The following FYB2 variants were observed in gnomAD, a reference collection of about 807,000 sequenced individuals.
FYB2 encodes FYN-binding protein 2.
Under a neutral mutation model 94.1 loss-of-function variants are expected in FYB2, and 103 were observed. That is an observed-to-expected ratio of 1.09 (90% CI 0.93 to 1.29). The LOEUF is 1.29. Among genes scored for constraint, FYB2 ranks in the 50% most tolerant of loss-of-function variants. The pLI is 0.00. For missense variants in FYB2, 896 were observed against 841.5 expected, an observed-to-expected ratio of 1.06 and a Z score of -0.80; for synonymous variants, 293 against 287.9, an observed-to-expected ratio of 1.02 and a Z score of -0.18.
chr1:56,753,591 C>T (rs1360061593), intron 8 of FYB2, among the ~76,000 whole-genome samples: 1 of 152,012 alleles, frequency 6.6e-6, no homozygotes, highest in Admixed American at 6.6e-5. Context: ...TAGTTTGCAC[C>T]CTGGGTTTCT....
upstream of FYB2, among the ~76,000 whole-genome samples, chr1:56,820,553 A>C (rs1325211246): frequency 1.3e-5 from 2 of 152,116 alleles, no homozygotes; most frequent in Non-Finnish European, 2.9e-5. Flanking sequence ...TCCTGTCCTG[A>C]CCAGGGAGAG....
chr1:56,803,372 G>T (rs967194226), intron 1 of FYB2, among the ~76,000 whole-genome samples: 1 of 152,104 alleles, frequency 6.6e-6, no homozygotes, highest in African/African-American at 2.4e-5. Context: ...TGTGGGTAAC[G>T]AGATCATGAA....
chr1:56,735,180 T>A (rs1225523505), intron 15 of FYB2, among the ~76,000 whole-genome samples: 1 of 152,074 alleles, frequency 6.6e-6, no homozygotes, highest in Non-Finnish European at 1.5e-5. Context: ...CAGCACTATA[T>A]GCAATAGCCA....
At position 56,744,283 on chromosome 1, in the gene FYB2, A is replaced by G; in HGVS notation, c.1388-17T>C. ...GATGCCCACCTGAAAGGAAACCAGA[A>G]AACCTGAAAAACATCACATCAGCTG... is the stretch of plus-strand genomic sequence containing the variant. On this transcript the variant is annotated splice_polypyrimidine_tract_variant and intron_variant, in intron 9 of 19. Transcript: ENST00000343433. The G allele has an allele frequency of 6.4e-7, 1 of 1,564,372 alleles. No individual in the cohort carries two copies. The highest frequency in any genetic ancestry group is 1.4e-5 in the African/African-American group (1 of 73,666).
chr1:56,728,055 A>G (rs932980794), intron 15 of FYB2, among the ~76,000 whole-genome samples: 13 of 152,104 alleles, frequency 8.5e-5, no homozygotes, highest in African/African-American at 3.1e-4. Flanking sequence ...TCCTTACCCT[A>G]ACTTGATATT....
intron 1 of FYB2, among the ~76,000 whole-genome samples, chr1:56,795,850 C>A (rs919974028): frequency 6.6e-6 from 1 of 152,164 alleles, no homozygotes; most frequent in Non-Finnish European, 1.5e-5. Context: ...AACCTCCAAA[C>A]CAAGGTCCTG....
chr1:56,792,608 T>C lies in FYB2; in HGVS notation c.205A>G (p.Ser69Gly). The change falls in exon 2 of 20, where the codon AGT (serine) becomes GGT (glycine). Residue 69 changes from serine (S) to glycine (G), a missense_variant. Ser to Gly is a moderately conservative substitution (Grantham distance 56, BLOSUM62 0). Transcript: ENST00000343433. The part of the protein sequence containing the change: ...HKQRTPYCSS[S>G]ESQPLQPQKI... ...TGAGGTTGAAGAGGCTGGGACTCAC[T>C]ACTGGAACAGTATGGTGTGCGCTGC... is the stretch of plus-strand genomic sequence containing the variant. 7 of 1,614,120 alleles carry C rather than the reference T, an allele frequency of 4.3e-6. No homozygotes were observed. The highest frequency in any genetic ancestry group is 5.9e-6 in the Non-Finnish European group (7 of 1,180,010).
At chr1:56,822,201 C>T (rs1246597161), upstream of FYB2, among the ~76,000 whole-genome samples, 1 of 152,202 alleles carries the variant, frequency 6.6e-6, no homozygotes, top group Admixed American at 6.5e-5. Context: ...AACTGAGGCA[C>T]ATACAAGTTA....
chr1:56,799,187 T>A (rs1163416720), intron 1 of FYB2, among the ~76,000 whole-genome samples: 1 of 152,206 alleles, frequency 6.6e-6, no homozygotes, highest in African/African-American at 2.4e-5. Context: ...TTCCCCAGTT[T>A]ACATAGTTAG....
chr1:56,730,003 A>G (rs547556807), intron 15 of FYB2, among the ~76,000 whole-genome samples: 2 of 152,114 alleles, frequency 1.3e-5, no homozygotes, highest in East Asian at 1.9e-4. Context: ...GAAACACAAC[A>G]TATCAAACTT....
intron 4 of FYB2, among the ~76,000 whole-genome samples, chr1:56,772,376 G>T (rs1026428358): frequency 6.6e-6 from 1 of 152,074 alleles, no homozygotes; most frequent in African/African-American, 2.4e-5. Context: ...TTATTGTTAA[G>T]AGGAAAAAAG....
At chr1:56,726,360 A>G (rs1379400593) in intron 16 of FYB2, 137 bp downstream of exon 16, 1 of 698,576 alleles carries the variant, frequency 1.4e-6, no homozygotes, top group Non-Finnish European at 2.4e-6. Context: ...CTGTACCATG[A>G]TGTAGGTGTT....
intron 11 of FYB2, among the ~76,000 whole-genome samples, chr1:56,743,316 A>G (rs1350414645): frequency 6.6e-6 from 1 of 152,026 alleles, no homozygotes; most frequent in Non-Finnish European, 1.5e-5. Flanking sequence ...AAAGAAGGTA[A>G]TAATCTAGGA....
chr1:56,787,334 C>T lies in FYB2; in HGVS notation c.920-126G>A, dbSNP rs1646155421. 8 of 1,119,074 alleles carry T rather than the reference C, an allele frequency of 7.1e-6. No homozygotes were observed. In the East Asian group the frequency reaches 1.7e-4, roughly 24 times the overall value. 69.3% of individuals were successfully genotyped at this position (1,119,074 alleles called of 1,614,324 possible). ...AGTGGAAGCTTGCCTGTGCCTGAAA[C>T]ATCCCTTACCTCCACCCCAGCACCC... On this transcript the variant is annotated intron_variant, in intron 3 of 19. Transcript: ENST00000343433.
intron 17 of FYB2, among the ~76,000 whole-genome samples, chr1:56,721,557 T>G (rs989327865): frequency 4.6e-5 from 7 of 151,770 alleles, no homozygotes; most frequent in African/African-American, 1.7e-4. Context: ...AATACAAATC[T>G]AATTGGTCAC....
chr1:56,780,195 G>A (rs1014779434), intron 4 of FYB2, among the ~76,000 whole-genome samples: 1 of 152,094 alleles, frequency 6.6e-6, no homozygotes, highest in Admixed American at 6.6e-5. Context: ...ACTTGTGATT[G>A]TCTGTTTCTT....
At chr1:56,763,062 C>T (rs1254906106) in intron 5 of FYB2, among the ~76,000 whole-genome samples, 2 of 152,168 alleles carry the variant, frequency 1.3e-5, no homozygotes, top group African/African-American at 4.8e-5. Context: ...ATTGAACCAG[C>T]TTTGCATCTC....
Position 56,792,155 on chromosome 1 carries a change from G to A in FYB2, c.658C>T (p.His220Tyr), listed in dbSNP as rs780022406. The change falls in exon 2 of 20, where the codon CAT becomes TAT. Residue 220 changes from histidine to tyrosine, a missense_variant. Coordinates refer to ENST00000343433, the MANE Select transcript of FYB2 (RefSeq NM_001004303.5). Reference sequence around the variant, plus strand: ...GGGTTTTCCCAGCTTTTTCTGATATGTTGAGAAATTACAAAAGAGGGATCT... The same window carrying A: ...GGGTTTTCCCAGCTTTTTCTGATATATTGAGAAATTACAAAAGAGGGATCT... The part of the protein sequence containing the change: ...SEDPSFVISQ[H>Y]IRKSWENPPP... 1 of 1,614,018 alleles carries A rather than the reference G, an allele frequency of 6.2e-7. No individual in the cohort carries two copies. The highest frequency in any genetic ancestry group is 8.5e-7 in the Non-Finnish European group (1 of 1,179,968).
intron 4 of FYB2, among the ~76,000 whole-genome samples, chr1:56,781,328 C>G (rs1646003790): frequency 6.6e-6 from 1 of 152,082 alleles, no homozygotes; most frequent in African/African-American, 2.4e-5. Flanking sequence ...CCATATTGTC[C>G]TAGATTCCTC....
Sources: gnomAD v4.1 joint callset for allele counts (sites outside exome capture counted in the v4.1 genomes callset) on GRCh38, gnomAD v4.1.1 for gene constraint, MANE v1.5 for transcripts, NCBI Gene and HGNC (gene_info 2026-07-23, HGNC 2026-07-21) for gene names.